The following DCBLD2 variants were observed in gnomAD, a reference collection of about 807,000 sequenced individuals.
DCBLD2 encodes discoidin, CUB and LCCL domain containing 2.
Under a neutral mutation model 86.8 loss-of-function variants are expected in DCBLD2, and 54 were observed. The ratio of observed to expected loss-of-function variants is 0.62; its 90% confidence interval spans 0.50 to 0.78. The LOEUF is 0.78. DCBLD2 is among the 30% of genes least tolerant of loss of function. The pLI is 0.00. For missense variants in DCBLD2, 908 were observed against 954.2 expected (o/e 0.95, Z 0.64); for synonymous variants, 354 against 341.3 (o/e 1.04, Z -0.41).
intron 1 of DCBLD2, among the ~76,000 whole-genome samples, chr3:98,899,894 C>A (rs557065611): frequency 6.6e-6 from 1 of 152,046 alleles, no homozygotes; most frequent in Non-Finnish European, 1.5e-5. Context: ...TGTTTTCCCC[C>A]CTACCAGGAG....
rs772717161 is a variant in DCBLD2, at chr3:98,808,073, G to A, written c.1670+8C>T. ...TTTTGGACTCAGGTGAACTAGTTAT[G>A]TACTAACCTGTTTCTCCAGTGCCAA... On this transcript the variant is annotated splice_region_variant and intron_variant, in intron 13 of 15. Coordinates refer to ENST00000326840, the MANE Select transcript of DCBLD2 (RefSeq NM_080927.4). 1.6e-5 allele frequency: 26 copies of A among 1,582,330 alleles called. No individual in the cohort carries two copies. The highest frequency in any genetic ancestry group is 2.1e-5 in the Non-Finnish European group (25 of 1,166,324).
chr3:98,853,302 T>C (rs756523135), intron 2 of DCBLD2, among the ~76,000 whole-genome samples: 18 of 134,990 alleles, frequency 1.3e-4, no homozygotes, highest in Non-Finnish European at 1.4e-4. Context: ...AAATTCTGAA[T>C]TTCCAACTTC....
intron 2 of DCBLD2, among the ~76,000 whole-genome samples, chr3:98,854,998 C>T (rs374753384): frequency 6.6e-5 from 10 of 151,918 alleles, no homozygotes; most frequent in African/African-American, 1.9e-4. Context: ...AATTAGTAAA[C>T]GCAAACTACA....
In DCBLD2 at chr3:98,886,809, C is replaced by CCCT. The variant is rs1553734160; in HGVS notation, c.206-5043_206-5042insAGG. On this transcript the variant is annotated intron_variant, in intron 1 of 15. Coordinates refer to ENST00000326840, the MANE Select transcript of DCBLD2 (RefSeq NM_080927.4). ...ATATTATTACAGGAAAACCCCCCCCCTTTTTTTTTTTTTTTTACTACTTAT... is the reference window on the plus strand; with the variant it reads ...ATATTATTACAGGAAAACCCCCCCCCCCTTTTTTTTTTTTTTTTTACTACTTAT... 9.2e-4 allele frequency among the ~76,000 whole-genome samples: 112 copies of CCCT among 121,482 alleles called. 1 individual carries two copies. The highest frequency in any genetic ancestry group is 7.6e-3 in the East Asian group (28 of 3,670). 79.7% of individuals were successfully genotyped at this position (121,482 alleles called of 152,430 possible).
At chr3:98,870,753 GAAAGAA>G (rs1553731671) in intron 2 of DCBLD2, among the ~76,000 whole-genome samples, 2 of 125,734 alleles carry the variant, frequency 1.6e-5, no homozygotes, top group Admixed American at 7.7e-5. Flanking sequence ...AAGAAAGAAA[GAAAGAA>G]AGAAAGAAAG....
rs55943421 is a variant in DCBLD2 at position 98,828,604 on chromosome 3, A to T, written c.572-3238T>A. 4.8e-3 allele frequency among the ~76,000 whole-genome samples: 732 copies of T among 152,340 alleles called. 5 individuals are homozygous for T. Among genetic ancestry groups the T allele is most frequent in the African/African-American group, 0.017 (694 of 41,568 alleles). On this transcript the variant is annotated intron_variant, in intron 3 of 15. Transcript: ENST00000326840. ...ACTGGAGTCTTTATGCAGTACTAGT[A>T]AAATTGTAAAATGGTGCAACTGTTT...
chr3:98,868,077 A>G (rs1411993571), intron 2 of DCBLD2, among the ~76,000 whole-genome samples: 1 of 152,186 alleles, frequency 6.6e-6, no homozygotes, highest in Non-Finnish European at 1.5e-5. Flanking sequence ...TTCTGGGATT[A>G]CAGGCGTGAG....
At chr3:98,895,689 G>A (rs533632554) in intron 1 of DCBLD2, among the ~76,000 whole-genome samples, 3 of 152,146 alleles carry the variant, frequency 2.0e-5, no homozygotes, top group South Asian at 2.1e-4. Flanking sequence ...TATAGTAGGC[G>A]TCTCCTGCTT....
chr3:98,864,260 T>C (rs1352781926), intron 2 of DCBLD2, among the ~76,000 whole-genome samples: 1 of 152,234 alleles, frequency 6.6e-6, no homozygotes, highest in Admixed American at 6.5e-5. Context: ...TTGGTGGGAC[T>C]GTAAACTTGT....
intron 2 of DCBLD2, among the ~76,000 whole-genome samples, chr3:98,852,596 C>T (rs1942859973): frequency 6.6e-6 from 1 of 152,152 alleles, no homozygotes; most frequent in Non-Finnish European, 1.5e-5. Flanking sequence ...TTTTTAACTT[C>T]TTTTATGTTA....
intron 2 of DCBLD2, among the ~76,000 whole-genome samples, chr3:98,856,900 C>G (rs1942941597): frequency 1.3e-5 from 2 of 152,078 alleles, no homozygotes. Context: ...GAGAATGTGG[C>G]TGAAATGAAA....
At chr3:98,875,515 C>T (rs775126791) in intron 2 of DCBLD2, among the ~76,000 whole-genome samples, 3 of 152,052 alleles carry the variant, frequency 2.0e-5, no homozygotes, top group Non-Finnish European at 1.5e-5. Flanking sequence ...AATAAAAACA[C>T]CAACGAGCTT....
At chr3:98,858,755 G>T (rs560504742) in intron 2 of DCBLD2, among the ~76,000 whole-genome samples, 11 of 152,172 alleles carry the variant, frequency 7.2e-5, no homozygotes, top group African/African-American at 2.6e-4. Flanking sequence ...TTCAGAAAAA[G>T]TTTATGAAAA....
At chr3:98,825,641 A>T (rs944331923) in intron 3 of DCBLD2, among the ~76,000 whole-genome samples, 4 of 68,378 alleles carry the variant, frequency 5.8e-5, no homozygotes, top group African/African-American at 2.3e-4. Flanking sequence ...GTATATGTGT[A>T]TTTATATATA....
chr3:98,858,357 C>A (rs1217138196), intron 2 of DCBLD2, among the ~76,000 whole-genome samples: 2 of 152,254 alleles, frequency 1.3e-5, no homozygotes, highest in Admixed American at 6.5e-5. Flanking sequence ...TTGGCCAGCC[C>A]AGGAAGGGGC....
At chr3:98,873,269 GAGATCAAAC>G (rs1943309497) in intron 2 of DCBLD2, among the ~76,000 whole-genome samples, 1 of 151,926 alleles carries the variant, frequency 6.6e-6, no homozygotes, top group Admixed American at 6.6e-5. Flanking sequence ...CACCAAATAG[GAGATCAAAC>G]AGATAAAATA....
chr3:98,860,393 G>C (rs529227475), intron 2 of DCBLD2, among the ~76,000 whole-genome samples: 1 of 152,074 alleles, frequency 6.6e-6, no homozygotes, highest in African/African-American at 2.4e-5. Context: ...GATACTCCTC[G>C]AGAAGAGCAA....
At chr3:98,875,643 T>C (rs983294026) in intron 2 of DCBLD2, among the ~76,000 whole-genome samples, 2 of 152,172 alleles carry the variant, frequency 1.3e-5, no homozygotes, top group Admixed American at 1.3e-4. Context: ...CTATCAGGCA[T>C]TAACACATAC....
At chr3:98,899,889 T>TC (rs1289016708) in intron 1 of DCBLD2, among the ~76,000 whole-genome samples, 1 of 152,038 alleles carries the variant, frequency 6.6e-6, no homozygotes, top group Non-Finnish European at 1.5e-5. Flanking sequence ...AAGCCTGTTT[T>TC]CCCCCCTACC....
Sources: allele counts gnomAD v4.1 joint callset (sites outside exome capture counted in the v4.1 genomes callset), GRCh38; gene constraint gnomAD v4.1.1; transcripts MANE v1.5; gene names NCBI Gene and HGNC (gene_info 2026-07-23, HGNC 2026-07-21).